Variants in ST7 observed in about 807,000 individuals in gnomAD.
ST7 encodes the protein suppressor of tumorigenicity 7 protein.
A neutral mutation model predicts 78.7 loss-of-function variants in ST7; 28 were observed. The observed-to-expected ratio is 0.36, with a 90% CI of 0.26 to 0.49. The LOEUF is 0.49. Among genes scored for constraint, ST7 ranks in the 20% least tolerant of loss-of-function variants. The probability of loss-of-function intolerance (pLI) is 0.99; values close to 1 mark genes in which losing one functional copy is unlikely to be tolerated. For missense variants in ST7, 418 were observed against 696.0 expected, an observed-to-expected ratio of 0.60 and a Z score of 4.49; for synonymous variants, 247 against 249.6, an observed-to-expected ratio of 0.99 and a Z score of 0.10.
At chr7:117,098,932 A>G (rs1327342392) in intron 1 of ST7, 2 of 925,306 alleles carry the variant, frequency 2.2e-6, no homozygotes, top group Non-Finnish European at 3.0e-6. Context: ...TCAGTGAGCA[A>G]CAAGGTTAAC....
intron 1 of ST7, chr7:116,972,925 C>T: frequency 7.7e-7 from 1 of 1,297,888 alleles, no homozygotes; most frequent in Non-Finnish European, 1.1e-6. Flanking sequence ...GCCCACTCAG[C>T]TACTGCTCGC....
intron 2 of ST7, among the ~76,000 whole-genome samples, chr7:117,119,025 C>T (rs565274082): frequency 4.5e-4 from 68 of 152,242 alleles, no homozygotes; most frequent in African/African-American, 1.4e-3. Flanking sequence ...ATGTGGGAAA[C>T]GGGATACAGC....
intron 1 of ST7, among the ~76,000 whole-genome samples, chr7:117,008,947 A>G (rs1459534172): frequency 2.0e-5 from 3 of 152,202 alleles, no homozygotes; most frequent in Non-Finnish European, 4.4e-5. Flanking sequence ...GAACATTACA[A>G]GAAATTTAAT....
intron 9 of ST7, among the ~76,000 whole-genome samples, chr7:117,160,243 A>AAAG: frequency 6.6e-6 from 1 of 150,592 alleles, no homozygotes; most frequent in African/African-American, 2.5e-5. Flanking sequence ...AAAAAAAAAA[A>AAAG]AAAGAAAGAA....
chr7:117,015,676 C>T (rs1345886970), intron 1 of ST7, among the ~76,000 whole-genome samples: 1 of 152,100 alleles, frequency 6.6e-6, no homozygotes, highest in African/African-American at 2.4e-5. Context: ...GATTCCCTTA[C>T]ATCTGGTAGG....
chr7:116,986,699 G>T (rs1794207631), intron 1 of ST7, among the ~76,000 whole-genome samples: 2 of 152,200 alleles, frequency 1.3e-5, no homozygotes, highest in South Asian at 4.1e-4. Context: ...TTGGATGTCA[G>T]TGGAAGAGAT....
intron 1 of ST7, among the ~76,000 whole-genome samples, chr7:117,034,382 T>G (rs2116219716): frequency 6.6e-6 from 1 of 152,328 alleles, no homozygotes; most frequent in East Asian, 1.9e-4. Context: ...CATTTAAACA[T>G]TTGCTGTATG....
intron 1 of ST7, among the ~76,000 whole-genome samples, chr7:117,035,602 A>G (rs990401009): frequency 6.6e-6 from 1 of 152,172 alleles, no homozygotes; most frequent in African/African-American, 2.4e-5. Context: ...ATTTGATTAA[A>G]GTTTTTTTTA....
rs762962146 is a variant in ST7, at chr7:117,229,970, T to C, written c.*113T>C. 3.1e-6 allele frequency: 3 copies of C among 958,984 alleles called. No individual in the cohort carries two copies. The highest frequency in any genetic ancestry group is 2.1e-4 in the Middle Eastern group (1 of 4,830). The allele number at this position is 958,984 out of a possible 1,614,324, so 59.4% of individuals were successfully genotyped here. A position where few individuals can be genotyped will look rare whatever the true frequency, so the allele number is the denominator to read the frequency against. The stretch of plus-strand genomic sequence containing the variant: ...TTGAAAAAGGGAAGCCATTCCGAGA[T>C]TTTAAAATGTTCATGGACTATTCCA... On this transcript the variant is annotated 3_prime_UTR_variant, in exon 16 of 16. Coordinates refer to ENST00000323984, the MANE Select transcript of ST7 (RefSeq NM_001369598.1).
chr7:117,184,689 T>A (rs1265765608), intron 10 of ST7, among the ~76,000 whole-genome samples: 2 of 152,120 alleles, frequency 1.3e-5, no homozygotes, highest in Admixed American at 1.3e-4. Context: ...ATGGAACAGA[T>A]CTATATCTTG....
At chr7:117,091,263 G>T (rs1487186594) in intron 1 of ST7, among the ~76,000 whole-genome samples, 1 of 152,148 alleles carries the variant, frequency 6.6e-6, no homozygotes, top group African/African-American at 2.4e-5. Context: ...AGGGCCAAGG[G>T]CAAGGAGAGG....
intron 13 of ST7, among the ~76,000 whole-genome samples, chr7:117,217,285 T>TG (rs1447932307): frequency 1.4e-5 from 2 of 146,682 alleles, no homozygotes; most frequent in African/African-American, 5.3e-5. Context: ...AATCTGGATT[T>TG]GGGAAAAAAA....
At chr7:116,984,420 T>C (rs1247681608) in intron 1 of ST7, among the ~76,000 whole-genome samples, 1 of 152,232 alleles carries the variant, frequency 6.6e-6, no homozygotes, top group Non-Finnish European at 1.5e-5. Flanking sequence ...GATTATCTGT[T>C]ATACAATAGC....
rs58892731 is a variant in ST7, at chr7:117,152,177, CTATATATATATATATATATA to C, written c.963+13672_963+13691del. On this transcript the variant is annotated intron_variant, in intron 9 of 15. Coordinates refer to ENST00000323984, the MANE Select transcript of ST7 (RefSeq NM_001369598.1). ...AATATATGTATTATATATATAAAAACTATATATATATATATATATATATATATATATATATATATATATAT... is the reference window on the plus strand; with the variant it reads ...AATATATGTATTATATATATAAAAACTATATATATATATATATATATATAT... 1.6e-3 allele frequency among the ~76,000 whole-genome samples: 110 copies of C among 66,858 alleles called. 2 individuals carry two copies. Among genetic ancestry groups the C allele is most frequent in the East Asian group, 0.01 (13 of 1,240 alleles). 43.9% of individuals were successfully genotyped at this position (66,858 alleles called of 152,430 possible).
At chr7:116,980,570 G>A (rs925694683) in intron 1 of ST7, among the ~76,000 whole-genome samples, 2 of 152,156 alleles carry the variant, frequency 1.3e-5, no homozygotes, top group African/African-American at 4.8e-5. Context: ...TACAAGCTGA[G>A]CTCTTCCAGC....
intron 1 of ST7, among the ~76,000 whole-genome samples, chr7:116,977,438 G>GAATGCAGGA (rs1279709758): frequency 6.6e-6 from 1 of 152,216 alleles, no homozygotes; most frequent in East Asian, 1.9e-4. Context: ...ATTCAAGTGA[G>GAATGCAGGA]GGAGGGGTGG....
chr7:116,967,175 A>C (rs1793161817), intron 1 of ST7: 1 of 269,560 alleles, frequency 3.7e-6, no homozygotes, highest in Admixed American at 3.9e-5. Flanking sequence ...TGGGTTTCTC[A>C]AGCAATGTTC....
intron 6 of ST7, among the ~76,000 whole-genome samples, chr7:117,132,339 G>A (rs1804428289): frequency 6.6e-6 from 1 of 151,492 alleles, no homozygotes; most frequent in Non-Finnish European, 1.5e-5. Flanking sequence ...TGCTAGTGGG[G>A]AAAACATGAT....
chr7:117,114,020 C>T (rs1802648124), intron 2 of ST7, among the ~76,000 whole-genome samples: 1 of 152,080 alleles, frequency 6.6e-6, no homozygotes. Context: ...TTGAAGAGAG[C>T]CTTACTTCCC....
Sources: allele counts gnomAD v4.1 joint callset (sites outside exome capture counted in the v4.1 genomes callset), GRCh38; gene constraint gnomAD v4.1.1; transcripts MANE v1.5; gene names NCBI Gene and HGNC (gene_info 2026-07-23, HGNC 2026-07-21).